Variants in C2orf66 observed in about 807,000 individuals in gnomAD.
C2orf66 encodes uncharacterized protein C2orf66.
C2orf66 carries 6 observed loss-of-function variants against 7.0 expected under a neutral mutation model. The observed-to-expected ratio is 0.86, with a 90% CI of 0.47 to 1.69. The LOEUF (loss-of-function observed/expected upper bound fraction) is 1.69. Among genes scored for constraint, C2orf66 ranks in the 40% most tolerant of loss-of-function variants. The pLI is 0.01. For missense variants in C2orf66, 107 were observed against 112.0 expected (o/e 0.96, Z 0.20); for synonymous variants, 38 against 43.8 (o/e 0.87, Z 0.52).
chr2:196,829,055 G>A, the C2orf66 span, among the ~76,000 whole-genome samples: 1 of 152,026 alleles, frequency 6.6e-6, no homozygotes, highest in Non-Finnish European at 1.5e-5. Flanking sequence ...ACATACATAT[G>A]TTAACATATA....
Position 196,809,201 on chromosome 2 carries a change from A to G in C2orf66, c.123+13T>C, listed in dbSNP as rs750896654. 15 of 1,612,628 alleles carry G rather than the reference A, an allele frequency of 9.3e-6. No individual in the cohort carries two copies. The Admixed American group carries it at 1.0e-4, about 11-fold the overall frequency. On this transcript the variant is annotated intron_variant, in intron 1 of 2. Coordinates refer to ENST00000342506, the MANE Select transcript of C2orf66 (RefSeq NM_213608.3). ...GTTCTATCCTGAAACCCAGGCCCCAAGTGTGTTCTTACCAGATCTCTGTTT... is the reference window on the plus strand; with the variant it reads ...GTTCTATCCTGAAACCCAGGCCCCAGGTGTGTTCTTACCAGATCTCTGTTT...
chr2:196,826,127 C>A, the C2orf66 span, among the ~76,000 whole-genome samples: 3 of 152,110 alleles, frequency 2.0e-5, no homozygotes, highest in African/African-American at 7.2e-5. Context: ...TACTCCTTTG[C>A]CAGCTTCATT....
In C2orf66 at chr2:196,809,250, T is replaced by G; in HGVS notation, c.87A>C (p.Lys29Asn). The change falls in exon 1 of 3, where the codon AAA becomes AAC. Residue 29 changes from lysine to asparagine, a missense_variant. Lys to Asn is a moderately conservative substitution (Grantham distance 94, BLOSUM62 0). Coordinates refer to ENST00000342506, the MANE Select transcript of C2orf66 (RefSeq NM_213608.3). ...TTCTGGGGTTGTTGAGTGGCTTCCA[T>G]TTGTCCTCATTTCTTACTGTGGCTC... ...VNGATVRNED[K>N]WKPLNNPRNR... 6.2e-7 allele frequency: 1 copy of G among 1,614,100 alleles called. No individual in the cohort carries two copies. The highest frequency in any genetic ancestry group is 1.1e-5 in the South Asian group (1 of 91,074).
chr2:196,817,047 G>A, the C2orf66 span, among the ~76,000 whole-genome samples: 2 of 152,182 alleles, frequency 1.3e-5, no homozygotes, highest in African/African-American at 2.4e-5. Context: ...ACAGGGAGTA[G>A]GTCGCAAAGA....
At chr2:196,828,230 T>TCACACACACACACACA in the C2orf66 span, among the ~76,000 whole-genome samples, 1 of 125,064 alleles carries the variant, frequency 8.0e-6, no homozygotes. Flanking sequence ...TCTCTCTCTC[T>TCACACACACACACACA]CACACACACA....
chr2:196,819,749 A>G, the C2orf66 span, among the ~76,000 whole-genome samples: 1 of 152,316 alleles, frequency 6.6e-6, no homozygotes, highest in South Asian at 2.1e-4. Context: ...TTATGGAATT[A>G]AAAATTCTGT....
the C2orf66 span, among the ~76,000 whole-genome samples, chr2:196,827,032 AAAAACAAAACAAAAC>A: frequency 4.0e-5 from 6 of 151,030 alleles, no homozygotes; most frequent in Non-Finnish European, 7.4e-5. Context: ...ACTCTGTCTC[AAAAACAAAACAAAAC>A]AAAACAAAAC....
chr2:196,806,903 A>G (rs1699826108), intron 2 of C2orf66, among the ~76,000 whole-genome samples: 1 of 152,080 alleles, frequency 6.6e-6, no homozygotes. Context: ...TAAATTTTTA[A>G]TTTTTTTCTA....
chr2:196,820,344 C>T, the C2orf66 span, among the ~76,000 whole-genome samples: 7 of 152,292 alleles, frequency 4.6e-5, no homozygotes, highest in East Asian at 7.7e-4. Flanking sequence ...AAGGCCCATA[C>T]GTCATAGGAG....
At chr2:196,827,686 G>C in the C2orf66 span, among the ~76,000 whole-genome samples, 3 of 152,296 alleles carry the variant, frequency 2.0e-5, no homozygotes, top group African/African-American at 7.2e-5. Flanking sequence ...CTAATCCCTA[G>C]ATCATTCTAG....
intron 1 of C2orf66, among the ~76,000 whole-genome samples, chr2:196,808,643 C>T (rs1699840548): frequency 6.6e-6 from 1 of 152,126 alleles, no homozygotes; most frequent in Admixed American, 6.5e-5. Context: ...TTAGAAAAAC[C>T]ATATTTCAAA....
chr2:196,827,113 T>C, the C2orf66 span, among the ~76,000 whole-genome samples: 1 of 150,624 alleles, frequency 6.6e-6, no homozygotes, highest in Non-Finnish European at 1.5e-5. Flanking sequence ...TACAAAAAAT[T>C]TTAGAAGTCC....
the C2orf66 span, among the ~76,000 whole-genome samples, chr2:196,831,428 T>C: frequency 3.3e-5 from 5 of 152,184 alleles, no homozygotes; most frequent in African/African-American, 4.8e-5. Context: ...TGCTGCCTCC[T>C]GAATAACAGT....
chr2:196,808,794 T>C (rs1241100312), intron 1 of C2orf66, among the ~76,000 whole-genome samples: 1 of 152,230 alleles, frequency 6.6e-6, no homozygotes, highest in Non-Finnish European at 1.5e-5. Context: ...CAACTTTCAA[T>C]TTTTGCAGCT....
At position 196,805,422 on chromosome 2, in the gene C2orf66, A is replaced by G. The variant is rs1248730250; in HGVS notation, c.*20-14T>C. 1 of 152,192 alleles carries G rather than the reference A, an allele frequency of 6.6e-6. No individual in the cohort carries two copies. The allele number at this position is 152,192 out of a possible 1,614,324, so 9.4% of individuals were successfully genotyped here. A position where few individuals can be genotyped will look rare whatever the true frequency, so the allele number is the denominator to read the frequency against. On this transcript the variant is annotated splice_polypyrimidine_tract_variant and intron_variant, in intron 2 of 2. Coordinates refer to ENST00000342506, the MANE Select transcript of C2orf66 (RefSeq NM_213608.3). ...ATAGCCAGACACCTGAAAGAACAAGACAATGTTATAATTAAATAGAAATTG... is the reference window on the plus strand; with the variant it reads ...ATAGCCAGACACCTGAAAGAACAAGGCAATGTTATAATTAAATAGAAATTG...
the C2orf66 span, among the ~76,000 whole-genome samples, chr2:196,821,944 T>A: frequency 7.5e-6 from 1 of 132,612 alleles, no homozygotes; most frequent in Admixed American, 7.8e-5. Context: ...TTTTTTTTTT[T>A]TTTTTTTTTT....
the C2orf66 span, among the ~76,000 whole-genome samples, chr2:196,814,857 G>A: frequency 4.6e-5 from 7 of 152,284 alleles, no homozygotes; most frequent in South Asian, 2.1e-4. Context: ...CAAAGGAACC[G>A]ATGGACCAAA....
the C2orf66 span, among the ~76,000 whole-genome samples, chr2:196,823,502 T>C: frequency 1.3e-5 from 2 of 151,744 alleles, no homozygotes; most frequent in African/African-American, 2.4e-5. Context: ...TGCATGCCCA[T>C]AGTTCCAGTT....
At chr2:196,829,434 C>CA in the C2orf66 span, among the ~76,000 whole-genome samples, 1 of 152,040 alleles carries the variant, frequency 6.6e-6, no homozygotes, top group African/African-American at 2.4e-5. Context: ...ACTAAAAATA[C>CA]AAAAAATAAC....
Sources: gnomAD v4.1 joint callset for allele counts (sites outside exome capture counted in the v4.1 genomes callset) on GRCh38, gnomAD v4.1.1 for gene constraint, MANE v1.5 for transcripts, NCBI Gene and HGNC (gene_info 2026-07-23, HGNC 2026-07-21) for gene names.